The following CFAP299 variants were observed in gnomAD, a reference collection of about 807,000 sequenced individuals.
The protein encoded by CFAP299 is cilia- and flagella-associated protein 299.
In CFAP299, 21 loss-of-function variants were observed where a neutral mutation model predicts 27.0. The ratio of observed to expected loss-of-function variants is 0.78; its 90% CI spans 0.55 to 1.12. The LOEUF (loss-of-function observed/expected upper bound fraction) is 1.12, where lower values mean the gene tolerates loss of function less well. CFAP299 is among the 50% of genes most tolerant of loss of function. The pLI is 0.00. For missense variants in CFAP299, 310 were observed against 276.6 expected (o/e 1.12, Z -0.86); for synonymous variants, 104 against 98.1 (o/e 1.06, Z -0.36).
At chr4:80,670,052 A>C (rs1741389229) in intron 3 of CFAP299, among the ~76,000 whole-genome samples, 1 of 151,890 alleles carries the variant, frequency 6.6e-6, no homozygotes, top group Admixed American at 6.6e-5. Flanking sequence ...GGCTTGTTAC[A>C]TAGGTATACA....
intron 4 of CFAP299, among the ~76,000 whole-genome samples, chr4:80,922,061 T>G (rs2110211674): frequency 6.6e-6 from 1 of 152,092 alleles, no homozygotes; most frequent in South Asian, 2.1e-4. Context: ...CTACAGTAGA[T>G]AGATGTATAC....
chr4:80,606,126 G>A (rs1044588295), intron 3 of CFAP299, among the ~76,000 whole-genome samples: 1 of 152,222 alleles, frequency 6.6e-6, no homozygotes, highest in Non-Finnish European at 1.5e-5. Flanking sequence ...AAACAAGTCA[G>A]TGGTGGTATG....
intron 2 of CFAP299, among the ~76,000 whole-genome samples, chr4:80,487,054 T>C (rs116262127): frequency 4.6e-3 from 698 of 152,354 alleles, no homozygotes; most frequent in Middle Eastern, 0.024. Context: ...ACTGTGAATT[T>C]AGTTAGAATC....
intron 2 of CFAP299, among the ~76,000 whole-genome samples, chr4:80,557,932 G>A (rs1734853114): frequency 6.6e-6 from 1 of 152,064 alleles, no homozygotes; most frequent in South Asian, 2.1e-4. Flanking sequence ...AAACCAGAAT[G>A]ACACTTGCAC....
intron 2 of CFAP299, among the ~76,000 whole-genome samples, chr4:80,452,312 C>T (rs1302771335): frequency 6.6e-6 from 1 of 152,138 alleles, no homozygotes; most frequent in African/African-American, 2.4e-5. Context: ...GTATTCATTT[C>T]ATTCCCTATT....
chr4:80,497,624 C>T lies in CFAP299; in HGVS notation c.243-85469C>T, dbSNP rs560137641. On this transcript the variant is annotated intron_variant, in intron 2 of 5. Coordinates refer to ENST00000358105, the MANE Select transcript of CFAP299 (RefSeq NM_152770.3). ...TTTTTTTACCCTACATTTTTTGCCCCTTATATATGAATTTATATTTTATAT... is the reference window on the plus strand; with the variant it reads ...TTTTTTTACCCTACATTTTTTGCCCTTTATATATGAATTTATATTTTATAT... Among the ~76,000 whole-genome samples the T allele has an allele frequency of 5.3e-4, 81 of 151,958 alleles. No homozygotes were observed. The Middle Eastern group carries it at 0.017, about 32-fold the overall frequency.
chr4:80,624,807 A>G (rs1401627824), intron 3 of CFAP299, among the ~76,000 whole-genome samples: 1 of 152,184 alleles, frequency 6.6e-6, no homozygotes, highest in Admixed American at 6.5e-5. Flanking sequence ...CAGAAACTCT[A>G]TAGTCCAGGA....
chr4:80,350,092 A>G (rs917270730), intron 1 of CFAP299, among the ~76,000 whole-genome samples: 1 of 152,210 alleles, frequency 6.6e-6, no homozygotes, highest in Admixed American at 6.5e-5. Context: ...ATAAACAAAA[A>G]TGAACACAGC....
intron 3 of CFAP299, among the ~76,000 whole-genome samples, chr4:80,623,245 A>G (rs1738697492): frequency 6.8e-6 from 1 of 148,112 alleles, no homozygotes; most frequent in Non-Finnish European, 1.5e-5. Flanking sequence ...TAAAGTATGT[A>G]AGTAAACTAA....
intron 3 of CFAP299, among the ~76,000 whole-genome samples, chr4:80,711,055 G>A (rs1722136729): frequency 6.6e-6 from 1 of 152,188 alleles, no homozygotes; most frequent in Admixed American, 6.5e-5. Flanking sequence ...CTAAGCCTCT[G>A]TTGTCTGTAA....
chr4:80,481,102 C>T (rs1730543466), intron 2 of CFAP299, among the ~76,000 whole-genome samples: 2 of 151,934 alleles, frequency 1.3e-5, no homozygotes, highest in Admixed American at 1.3e-4. Flanking sequence ...TAAGAAGAGA[C>T]AATAGTGTGT....
chr4:80,653,741 AT>A (rs1330597630), intron 3 of CFAP299, among the ~76,000 whole-genome samples: 1 of 152,190 alleles, frequency 6.6e-6, no homozygotes, highest in Non-Finnish European at 1.5e-5. Flanking sequence ...CATACAATAC[AT>A]TTTTAAGTAT....
At chr4:80,454,646 T>TA (rs1291411024) in intron 2 of CFAP299, among the ~76,000 whole-genome samples, 9 of 152,206 alleles carry the variant, frequency 5.9e-5, no homozygotes, top group Non-Finnish European at 1.3e-4. Flanking sequence ...ATATAGACAT[T>TA]AAAAATGCCC....
intron 4 of CFAP299, chr4:80,871,670 T>C: frequency 1.0e-6 from 1 of 971,724 alleles, no homozygotes; most frequent in South Asian, 4.8e-5. Flanking sequence ...AACACTGAAT[T>C]CTATTATCTT....
intron 1 of CFAP299, among the ~76,000 whole-genome samples, chr4:80,360,135 C>A (rs1440805159): frequency 1.3e-5 from 2 of 152,184 alleles, no homozygotes; most frequent in Admixed American, 6.5e-5. Context: ...TGCTCTAAGT[C>A]TGGGGGACTT....
chr4:80,425,017 A>G (rs1578427873), intron 2 of CFAP299, among the ~76,000 whole-genome samples: 1 of 152,044 alleles, frequency 6.6e-6, no homozygotes, highest in South Asian at 2.1e-4. Context: ...GTGGGAGGAC[A>G]TTATCCCTTT....
chr4:80,747,391 C>G (rs1049650424), intron 3 of CFAP299, among the ~76,000 whole-genome samples: 1 of 151,984 alleles, frequency 6.6e-6, no homozygotes, highest in Non-Finnish European at 1.5e-5. Context: ...AGTATTTCAG[C>G]TTCATTATAA....
intron 2 of CFAP299, among the ~76,000 whole-genome samples, chr4:80,553,315 G>C (rs1734619471): frequency 6.6e-6 from 1 of 152,166 alleles, no homozygotes. Context: ...TCCCACAAAA[G>C]ACAGGATCCC....
intron 3 of CFAP299, among the ~76,000 whole-genome samples, chr4:80,838,757 C>T (rs1730703380): frequency 6.6e-6 from 1 of 151,808 alleles, no homozygotes; most frequent in African/African-American, 2.4e-5. Context: ...CCCTTTTTGG[C>T]TCCATATGAA....
Sources: gnomAD v4.1 joint callset for allele counts (sites outside exome capture counted in the v4.1 genomes callset) on GRCh38, gnomAD v4.1.1 for gene constraint, MANE v1.5 for transcripts, NCBI Gene and HGNC (gene_info 2026-07-23, HGNC 2026-07-21) for gene names.